DACH1: variants seen among roughly 807,000 people sequenced by gnomAD.
DACH1 encodes dachshund homolog 1.
In DACH1, 12 loss-of-function variants were observed where a neutral mutation model predicts 54.2. That is an observed-to-expected ratio of 0.22 (90% CI 0.14 to 0.36). The LOEUF is 0.36. Among genes scored for constraint, DACH1 ranks in the 10% least tolerant of loss-of-function variants. DACH1 has a pLI of 1.00. For synonymous variants in DACH1, 386 were observed against 366.2 expected (o/e 1.05, Z -0.62); for missense variants, 805 against 929.8 (o/e 0.87, Z 1.75).
rs1477963178 is a variant in DACH1, at chr13:71,438,420, C to T, written c.*2235G>A. 3.3e-5 allele frequency: 5 copies of T among 152,382 alleles called. No homozygotes were observed. The highest frequency in any genetic ancestry group is 7.4e-5 in the Non-Finnish European group (5 of 67,874). 9.4% of individuals were successfully genotyped at this position (152,382 alleles called of 1,614,324 possible). On this transcript the variant is annotated 3_prime_UTR_variant, in exon 11 of 11. Coordinates refer to ENST00000613252, the MANE Select transcript of DACH1 (RefSeq NM_080759.6). ...AACAGGGAAAAAATTAAGTTACAGA[C>T]TTACAATAACATTTCATGAATTGTA...
At chr13:71,612,963 G>A (rs972310631) in intron 3 of DACH1, among the ~76,000 whole-genome samples, 5 of 152,200 alleles carry the variant, frequency 3.3e-5, no homozygotes, top group African/African-American at 1.2e-4. Context: ...AGTCAATGTG[G>A]CCAGGCCTGC....
intron 3 of DACH1, among the ~76,000 whole-genome samples, chr13:71,587,032 A>T (rs36038605): frequency 2.2e-4 from 34 of 152,234 alleles, no homozygotes; most frequent in African/African-American, 7.5e-4. Context: ...CTACACATAG[A>T]CTGCTTTTAA....
At chr13:71,758,618 C>T (rs7981995) in intron 1 of DACH1, among the ~76,000 whole-genome samples, 68,663 of 151,860 alleles carry the variant, frequency 0.45, 16,085 homozygotes, top group East Asian at 0.58. Context: ...TACCTTGAAA[C>T]GCACCACTTA....
At chr13:71,754,587 A>G (rs926556432) in intron 1 of DACH1, among the ~76,000 whole-genome samples, 1 of 152,136 alleles carries the variant, frequency 6.6e-6, no homozygotes, top group African/African-American at 2.4e-5. Context: ...CAGCTGTCAG[A>G]CTTTAGTAAC....
intron 6 of DACH1, among the ~76,000 whole-genome samples, chr13:71,556,264 CA>C (rs35645498): frequency 2.0e-5 from 3 of 151,480 alleles, no homozygotes; most frequent in Non-Finnish European, 4.4e-5. Context: ...ATGGCTTTGT[CA>C]AAAAAAGATA....
At chr13:71,735,537 T>C (rs546939595) in intron 1 of DACH1, among the ~76,000 whole-genome samples, 3,071 of 122,852 alleles carry the variant, frequency 0.025, 538 homozygotes, top group African/African-American at 0.071. Context: ...TACACGTATA[T>C]GGGATATACG....
chr13:71,763,792 A>C (rs1466582476), intron 1 of DACH1, among the ~76,000 whole-genome samples: 1 of 152,236 alleles, frequency 6.6e-6, no homozygotes, highest in Admixed American at 6.5e-5. Flanking sequence ...TTATAAAGGC[A>C]CATGCTCAGC....
intron 6 of DACH1, among the ~76,000 whole-genome samples, chr13:71,518,266 AG>A (rs1447762960): frequency 1.3e-5 from 2 of 151,790 alleles, no homozygotes; most frequent in Non-Finnish European, 2.9e-5. Flanking sequence ...GGCATCATGG[AG>A]GTACATGCAC....
chr13:71,813,046 TTCTGA>T (rs1887779746), intron 1 of DACH1, among the ~76,000 whole-genome samples: 1 of 152,206 alleles, frequency 6.6e-6, no homozygotes, highest in African/African-American at 2.4e-5. Flanking sequence ...CTAAAATCTT[TTCTGA>T]TATGTCTAGC....
chr13:71,787,947 T>C (rs1377209116), intron 1 of DACH1, among the ~76,000 whole-genome samples: 2 of 152,158 alleles, frequency 1.3e-5, no homozygotes, highest in African/African-American at 2.4e-5. Context: ...GGAGCTCAAA[T>C]AGCACTTTCT....
intron 1 of DACH1, among the ~76,000 whole-genome samples, chr13:71,783,840 G>GT (rs373566201): frequency 5.5e-4 from 80 of 146,352 alleles, no homozygotes; most frequent in South Asian, 2.6e-3. Flanking sequence ...TTGATTTAAG[G>GT]TTTTTTTTTT....
chr13:71,604,672 G>A (rs963047536), intron 3 of DACH1, among the ~76,000 whole-genome samples: 10 of 151,872 alleles, frequency 6.6e-5, no homozygotes, highest in Admixed American at 6.6e-4. Flanking sequence ...CTAAATGGAA[G>A]TTATCTCAGC....
chr13:71,815,876 G>C (rs1053457166), intron 1 of DACH1, among the ~76,000 whole-genome samples: 1 of 152,006 alleles, frequency 6.6e-6, no homozygotes, highest in Non-Finnish European at 1.5e-5. Flanking sequence ...ACGAGGTCAG[G>C]AGATCGAGAC....
At chr13:71,678,361 C>A (rs572850516) in intron 2 of DACH1, among the ~76,000 whole-genome samples, 1 of 152,208 alleles carries the variant, frequency 6.6e-6, no homozygotes, top group East Asian at 1.9e-4. Flanking sequence ...ACTCTGTATT[C>A]CCTAAAATCT....
chr13:71,507,119 A>G (rs1366752801), intron 6 of DACH1, among the ~76,000 whole-genome samples: 1 of 151,964 alleles, frequency 6.6e-6, no homozygotes, highest in African/African-American at 2.4e-5. Flanking sequence ...GTGAACAGGC[A>G]ACCTACAAAA....
intron 2 of DACH1, among the ~76,000 whole-genome samples, chr13:71,658,048 A>G (rs1014683289): frequency 1.3e-5 from 2 of 152,244 alleles, no homozygotes; most frequent in African/African-American, 2.4e-5. Context: ...CAGTGACTCA[A>G]AATAAATCTT....
chr13:71,710,424 CT>C (rs1254142752), intron 1 of DACH1, among the ~76,000 whole-genome samples: 1 of 148,328 alleles, frequency 6.7e-6, no homozygotes, highest in Non-Finnish European at 1.5e-5. Context: ...TTTATGGGGC[CT>C]GAAAGTGAGG....
intron 3 of DACH1, among the ~76,000 whole-genome samples, chr13:71,604,517 C>T (rs547700409): frequency 2.6e-5 from 4 of 151,918 alleles, no homozygotes; most frequent in Admixed American, 2.0e-4. Context: ...GAAACCAAAC[C>T]GTTAAATGTT....
Position 71,734,837 on chromosome 13 carries a change from C to T in DACH1, c.849-52927G>A, listed in dbSNP as rs188620097. Among the ~76,000 whole-genome samples, 457 of 136,984 alleles carry T rather than the reference C, an allele frequency of 3.3e-3. 12 individuals carry two copies. Among genetic ancestry groups the T allele is most frequent in the African/African-American group, 0.012 (431 of 35,644 alleles). 89.9% of individuals were successfully genotyped at this position (136,984 alleles called of 152,430 possible). Reference sequence around the variant, plus strand: ...TATATGTATATCCCATATACGTATACCCCATATATATGTATATCCCATATA... The same window carrying T: ...TATATGTATATCCCATATACGTATATCCCATATATATGTATATCCCATATA... On this transcript the variant is annotated intron_variant, in intron 1 of 10. Coordinates refer to ENST00000613252, the MANE Select transcript of DACH1 (RefSeq NM_080759.6).
Sources: gnomAD v4.1 joint callset for allele counts (sites outside exome capture counted in the v4.1 genomes callset) on GRCh38, gnomAD v4.1.1 for gene constraint, MANE v1.5 for transcripts, NCBI Gene and HGNC (gene_info 2026-07-23, HGNC 2026-07-21) for gene names.